Variants in ARFGEF3 observed in about 807,000 individuals in gnomAD.
The protein encoded by ARFGEF3 is ARFGEF family member 3.
ARFGEF3 carries 96 observed loss-of-function variants against 221.7 expected under a neutral mutation model. That is an observed-to-expected ratio of 0.43 (90% CI 0.37 to 0.51). The LOEUF (loss-of-function observed/expected upper bound fraction) is 0.51, where lower values mean the gene tolerates loss of function less well. Among genes scored for constraint, ARFGEF3 ranks in the 20% least tolerant of loss-of-function variants. The pLI is 0.00. For synonymous variants in ARFGEF3, 1,145 were observed against 1,126.8 expected (o/e 1.02, Z -0.32); for missense variants, 2,410 against 2,789.9 (o/e 0.86, Z 3.07).
At chr6:138,325,815 C>G (rs967593015) in intron 31 of ARFGEF3, among the ~76,000 whole-genome samples, 1 of 152,110 alleles carries the variant, frequency 6.6e-6, no homozygotes, top group East Asian at 1.9e-4. Flanking sequence ...GTGAATCTTT[C>G]ACTTCTTTTT....
At position 138,298,772 on chromosome 6, in the gene ARFGEF3, A is replaced by ACGT. The variant is rs1355165777; in HGVS notation, c.3817_3819dup (p.Val1273dup). 1 of 1,612,352 alleles carries ACGT rather than the reference A, an allele frequency of 6.2e-7. No homozygotes were observed. The highest frequency in any genetic ancestry group is 1.3e-5 in the African/African-American group (1 of 75,044). The stretch of plus-strand genomic sequence containing the variant: ...ATGCAGCTGGAATTGTGTGATGAGG[A>ACGT]CGTCCAAGACCAGGTCAGTGTGACA... On this transcript the variant is annotated inframe_insertion, in exon 22 of 34. Transcript: ENST00000251691.
At chr6:138,187,999 G>A (rs1196427902) in intron 2 of ARFGEF3, among the ~76,000 whole-genome samples, 3 of 152,188 alleles carry the variant, frequency 2.0e-5, no homozygotes, top group Non-Finnish European at 4.4e-5. Flanking sequence ...AGCTAAAGGC[G>A]ACTACATGAT....
intron 2 of ARFGEF3, among the ~76,000 whole-genome samples, chr6:138,188,061 GTATT>G (rs1236463214): frequency 1.3e-5 from 2 of 152,170 alleles, no homozygotes; most frequent in African/African-American, 4.8e-5. Flanking sequence ...TAATACTTGA[GTATT>G]TGTTTATTGA....
intron 22 of ARFGEF3, among the ~76,000 whole-genome samples, chr6:138,300,602 A>G (rs1477348496): frequency 3.9e-5 from 6 of 152,354 alleles, no homozygotes; most frequent in African/African-American, 1.2e-4. Flanking sequence ...ACTAATTTAA[A>G]AAAAGGAAGA....
chr6:138,265,188 C>A (rs919073468), intron 12 of ARFGEF3, among the ~76,000 whole-genome samples: 4 of 152,280 alleles, frequency 2.6e-5, no homozygotes, highest in African/African-American at 4.8e-5. Context: ...CAGGCATGAG[C>A]CACTGCGCCC....
chr6:138,243,185 C>T (rs564397052), intron 7 of ARFGEF3, among the ~76,000 whole-genome samples, 191 bp downstream of exon 7: 1 of 152,270 alleles, frequency 6.6e-6, no homozygotes, highest in South Asian at 2.1e-4. Flanking sequence ...TTCCTACGTT[C>T]ACTTATGCCA....
rs773729502 is a variant in ARFGEF3 at position 138,314,071 on chromosome 6, TGAGA to T, written c.4345+134_4345+137del. The T allele has an allele frequency of 5.2e-4, 489 of 946,434 alleles. 1 individual carries two copies. Among genetic ancestry groups the T allele is most frequent in the Admixed American group, 2.8e-3 (96 of 33,726 alleles). The allele number at this position is 946,434 out of a possible 1,614,324, so 58.6% of individuals were successfully genotyped here. On this transcript the variant is annotated intron_variant, in intron 26 of 33. Transcript: ENST00000251691. The stretch of plus-strand genomic sequence containing the variant: ...TTTTGTGCTGCTATAAGAGAATACT[TGAGA>T]GTGATAAATAGCAGATTTATTTCTT...
chr6:138,266,040 A>G (rs1778886384), intron 12 of ARFGEF3, among the ~76,000 whole-genome samples: 1 of 151,976 alleles, frequency 6.6e-6, no homozygotes, highest in Non-Finnish European at 1.5e-5. Flanking sequence ...ACATAGGGAG[A>G]ACCTTTCTCT....
intron 24 of ARFGEF3, among the ~76,000 whole-genome samples, chr6:138,309,256 C>T (rs938617137): frequency 6.6e-6 from 1 of 152,082 alleles, no homozygotes; most frequent in African/African-American, 2.4e-5. Context: ...ACTAAGTGTC[C>T]TTCCCTTTCA....
intron 21 of ARFGEF3, among the ~76,000 whole-genome samples, chr6:138,297,644 C>A (rs752276640): frequency 4.6e-5 from 7 of 152,102 alleles, no homozygotes; most frequent in Non-Finnish European, 1.0e-4. Context: ...TTCTAGTAAG[C>A]AAAATGGGTA....
chr6:138,186,243 A>G (rs879246702), intron 2 of ARFGEF3, among the ~76,000 whole-genome samples: 4 of 152,214 alleles, frequency 2.6e-5, no homozygotes, highest in Admixed American at 2.6e-4. Context: ...TTAGTGGAGT[A>G]TGTGACTTAC....
chr6:138,231,847 A>G (rs1283999023), intron 5 of ARFGEF3, among the ~76,000 whole-genome samples: 1 of 152,238 alleles, frequency 6.6e-6, no homozygotes, highest in Non-Finnish European at 1.5e-5. Context: ...TAAAAGGATC[A>G]TTAAGCTCTC....
chr6:138,253,226 G>T (rs1398917497), intron 8 of ARFGEF3, among the ~76,000 whole-genome samples: 1 of 151,874 alleles, frequency 6.6e-6, no homozygotes, highest in Non-Finnish European at 1.5e-5. Flanking sequence ...ACCAATGTAA[G>T]ATTTAACAAT....
Position 138,321,198 on chromosome 6 carries a change from T to C in ARFGEF3, c.4739T>C (p.Ile1580Thr). 6.4e-7 allele frequency: 1 copy of C among 1,557,912 alleles called. No individual in the cohort carries two copies. The highest frequency in any genetic ancestry group is 8.7e-7 in the Non-Finnish European group (1 of 1,149,142). Residue 1580 changes from isoleucine (I) to threonine (T), a missense_variant, in exon 29 of 34, where the codon ATC (isoleucine) becomes ACC (threonine). By Grantham distance (89) the Ile-to-Thr change is moderately conservative. This residue lies in a region of ARFGEF3 where 723 missense variants were observed against 991.9 expected (regional missense o/e 0.73). Transcript: ENST00000251691. Reference sequence around the variant, plus strand: ...TGTGTGGCCAAGCCCACTGAAACCATCTCCAGAGTGGGCTGCTCCTGTATT... The same window carrying C: ...TGTGTGGCCAAGCCCACTGAAACCACCTCCAGAGTGGGCTGCTCCTGTATT... ...VACVAKPTET[I>T]SRVGCSCIRY...
intron 2 of ARFGEF3, among the ~76,000 whole-genome samples, chr6:138,206,136 C>G (rs754736100): frequency 2.0e-5 from 3 of 152,114 alleles, no homozygotes; most frequent in Non-Finnish European, 4.4e-5. Context: ...GTGGAGAAAC[C>G]TGGTAAAATG....
At position 138,317,251 on chromosome 6, in the gene ARFGEF3, G is replaced by A; in HGVS notation, c.4346G>A (p.Gly1449Asp). The change falls in exon 27 of 34, where the codon GGT becomes GAT. Residue 1449 changes from glycine to aspartate, a missense_variant and splice_region_variant. Gly to Asp is a moderately conservative substitution (Grantham distance 94). Around this residue, in one of 5 missense-constraint regions of ARFGEF3, gnomAD observed 723 missense variants for 991.9 expected, o/e 0.73. Transcript: ENST00000251691. Reference protein sequence around the residue: ...SVLSDFDDDTGLIEVWIILLE... With the variant: ...SVLSDFDDDTDLIEVWIILLE... ...TACAGGTCTGCTTTTTGGTTTCCAG[G>A]TCTGATAGAAGTCTGGATAATCCTG... 1 of 1,611,892 alleles carries A rather than the reference G, an allele frequency of 6.2e-7. No homozygotes were observed. The highest frequency in any genetic ancestry group is 8.5e-7 in the Non-Finnish European group (1 of 1,179,412).
At chr6:138,186,675 C>T (rs1426998420) in intron 2 of ARFGEF3, among the ~76,000 whole-genome samples, 4 of 152,162 alleles carry the variant, frequency 2.6e-5, no homozygotes, top group Admixed American at 2.6e-4. Context: ...AGGCTGCTCA[C>T]ACTGTCAGCC....
intron 6 of ARFGEF3, 33 bp from the exon 7 acceptor site, chr6:138,242,919 C>G: frequency 6.3e-7 from 1 of 1,582,204 alleles, no homozygotes. Context: ...TTGCCTGAAT[C>G]TCCTAATTGT....
intron 2 of ARFGEF3, among the ~76,000 whole-genome samples, chr6:138,180,072 C>G (rs1217302861): frequency 6.6e-6 from 1 of 152,182 alleles, no homozygotes; most frequent in Non-Finnish European, 1.5e-5. Context: ...CTTAGCCTCC[C>G]AAAGTGTTGG....
Sources: allele counts gnomAD v4.1 joint callset (sites outside exome capture counted in the v4.1 genomes callset), GRCh38; gene constraint gnomAD v4.1.1; regional missense constraint gnomAD v4.1.1; transcripts MANE v1.5; gene names NCBI Gene and HGNC (gene_info 2026-07-23, HGNC 2026-07-21).